Variants in IDUA observed in about 807,000 individuals in gnomAD.
The protein encoded by IDUA is iduronidase alpha-L-.
A neutral mutation model predicts 68.9 loss-of-function variants in IDUA; 65 were observed. The ratio of observed to expected loss-of-function variants is 0.94; its 90% CI spans 0.77 to 1.16. IDUA has a LOEUF of 1.16. Ranked by LOEUF, IDUA falls within the 50% of genes most tolerant of loss-of-function variation. The probability of loss-of-function intolerance (pLI) is 0.00; values close to 1 mark genes in which losing one functional copy is unlikely to be tolerated. For missense variants in IDUA, 1,046 were observed against 938.0 expected, an observed-to-expected ratio of 1.12 and a Z score of -1.50; for synonymous variants, 529 against 433.6, an observed-to-expected ratio of 1.22 and a Z score of -2.73.
At chr4:990,167 G>C (rs1160000258) in intron 2 of IDUA, 1 of 1,560,402 alleles carries the variant, frequency 6.4e-7, no homozygotes. Context: ...ACGTTGGCCT[G>C]CCCGGCGCCG....
intron 2 of IDUA, chr4:988,771 T>C: frequency 6.8e-7 from 1 of 1,463,680 alleles, no homozygotes; most frequent in Non-Finnish European, 9.0e-7. Flanking sequence ...CAGCAGTGGC[T>C]TGCAGACGTC....
Position 1,003,541 on chromosome 4 carries a change from TC to T in IDUA, c.1651-3del. On this transcript the variant is annotated splice_polypyrimidine_tract_variant and splice_region_variant and intron_variant, in intron 11 of 13. Transcript: ENST00000514224. ...CCCCGACGCCATCACAGCCCTTCCC[TC>T]CCCCAGGTCACGCGGCTCCGCGCCC... 1 of 1,610,438 alleles carries T rather than the reference TC, an allele frequency of 6.2e-7. No individual in the cohort carries two copies.
chr4:1,001,363 G>C, intron 4 of IDUA, 105 bp from the exon 5 acceptor site: 2 of 956,306 alleles, frequency 2.1e-6, no homozygotes, highest in Non-Finnish European at 3.4e-6. Flanking sequence ...TGGAGATGGG[G>C]TTCATCTTGA....
Position 1,001,667 on chromosome 4 carries a change from C to G in IDUA, c.590-12C>G. 6.2e-7 allele frequency: 1 copy of G among 1,602,836 alleles called. No individual in the cohort carries two copies. The highest frequency in any genetic ancestry group is 8.5e-7 in the Non-Finnish European group (1 of 1,178,748). On this transcript the variant is annotated splice_polypyrimidine_tract_variant and intron_variant, in intron 5 of 13. Transcript: ENST00000514224. ...CCAGGGCAGGTGTAGACGCAGTGCT[C>G]CCCCGGCCCAGGCTTCCTGAACTAC...
intron 2 of IDUA, among the ~76,000 whole-genome samples, chr4:997,815 T>C (rs1714832797): frequency 6.6e-6 from 1 of 152,166 alleles, no homozygotes; most frequent in Admixed American, 6.5e-5. Flanking sequence ...CGGGGATCCC[T>C]GTCCCGGGCT....
chr4:989,541 C>T (rs750337618), intron 2 of IDUA: 28 of 1,565,976 alleles, frequency 1.8e-5, no homozygotes, highest in Non-Finnish European at 2.2e-5. Flanking sequence ...CAGCCGGGCT[C>T]ATCCGCCACA....
In IDUA at chr4:1,001,683, C is replaced by T; in HGVS notation, c.594C>T (p.Phe198=). The change falls in exon 6 of 14, where the codon TTC becomes TTT. Residue 198 remains phenylalanine, a synonymous_variant. Coordinates refer to ENST00000514224, the MANE Select transcript of IDUA (RefSeq NM_000203.5). The part of the protein sequence containing the change: ...FDNVSMTMQG[F]LNYYDACSEG... ...CGCAGTGCTCCCCCGGCCCAGGCTT[C>T]CTGAACTACTACGATGCCTGCTCGG... 1.2e-6 allele frequency: 2 copies of T among 1,601,718 alleles called. No homozygotes were observed. Among genetic ancestry groups the T allele is most frequent in the Non-Finnish European group, 1.7e-6 (2 of 1,179,090 alleles).
chr4:999,529 A>G (rs1398125420), intron 2 of IDUA, among the ~76,000 whole-genome samples: 1 of 152,240 alleles, frequency 6.6e-6, no homozygotes, highest in African/African-American at 2.4e-5. Context: ...CTCGCTGACC[A>G]TCAGGCTCCT....
chr4:1,002,040 G>A lies in IDUA; in HGVS notation c.851G>A (p.Arg284Gln), dbSNP rs1209648267. ...EQEKVVAQQI[R>Q]QLFPKFADTP... ...GAGAAGGTCGTCGCGCAGCAGATCC[G>A]GCAGCTCTTCCCCAAGTTCGCGGAC... Residue 284 changes from arginine (R) to glutamine (Q), a missense_variant, in exon 7 of 14, where the codon CGG (arginine) becomes CAG (glutamine). By Grantham distance (43) the Arg-to-Gln change is conservative. Coordinates refer to ENST00000514224, the MANE Select transcript of IDUA (RefSeq NM_000203.5). 1.2e-5 allele frequency: 19 copies of A among 1,598,280 alleles called. No individual in the cohort carries two copies. Among genetic ancestry groups the A allele is most frequent in the South Asian group, 4.5e-5 (4 of 88,190 alleles).
rs1360845961 is a variant in IDUA, at chr4:1,001,897, C to A, written c.792+16C>A. ...CCACAGGAAGGTGCGCCCTGCCCCT[C>A]CGTCCGCCCCGGTGTTCTGCGCCCT... On this transcript the variant is annotated intron_variant, in intron 6 of 13. Transcript: ENST00000514224. 1.9e-6 allele frequency: 3 copies of A among 1,570,938 alleles called. No individual in the cohort carries two copies. Among genetic ancestry groups the A allele is most frequent in the Non-Finnish European group, 2.6e-6 (3 of 1,159,910 alleles).
intron 2 of IDUA, chr4:991,021 C>T: frequency 8.5e-7 from 1 of 1,182,070 alleles, no homozygotes; most frequent in Non-Finnish European, 1.2e-6. Context: ...TGGGCCAGCA[C>T]CTCCTCTGCC....
At chr4:991,621 C>CGCA in intron 2 of IDUA, 4 of 1,585,538 alleles carry the variant, frequency 2.5e-6, no homozygotes, top group Non-Finnish European at 3.4e-6. Flanking sequence ...CAGCATCTCA[C>CGCA]GCAGACCCCG....
chr4:993,047 G>A (rs578015958), intron 2 of IDUA: 6 of 135,108 alleles, frequency 4.4e-5, no homozygotes, highest in African/African-American at 1.6e-4. Flanking sequence ...GGCACAGAGC[G>A]GGGGTCCTGG....
chr4:1,001,454 A>G lies in IDUA; in HGVS notation c.494-14A>G. ...ATTCACCTGTGCTGGGGGGACAGCA[A>G]GGCTCCTCTGCAGGTAGGTACGGAC... is the stretch of plus-strand genomic sequence containing the variant. On this transcript the variant is annotated splice_polypyrimidine_tract_variant and intron_variant, in intron 4 of 13. Transcript: ENST00000514224. 1 of 1,610,870 alleles carries G rather than the reference A, an allele frequency of 6.2e-7. No homozygotes were observed. The highest frequency in any genetic ancestry group is 1.3e-5 in the African/African-American group (1 of 74,962).
At chr4:992,318 C>T (rs1009231131) in intron 2 of IDUA, 2 of 410,206 alleles carry the variant, frequency 4.9e-6, no homozygotes, top group African/African-American at 4.0e-5. Flanking sequence ...CCTGGAGACA[C>T]CTCCACCCAC....
intron 2 of IDUA, chr4:990,839 GTCCAGC>G: frequency 2.1e-6 from 1 of 468,368 alleles, no homozygotes; most frequent in Non-Finnish European, 3.8e-6. Context: ...CATGGCCTCA[GTCCAGC>G]ACCACTGAGC....
chr4:1,004,307 T>A lies in IDUA; in HGVS notation c.1876T>A (p.Trp626Arg), dbSNP rs1281475543. The A allele has an allele frequency of 6.2e-7, 1 of 1,611,256 alleles. No individual in the cohort carries two copies. Among genetic ancestry groups the A allele is most frequent in the Non-Finnish European group, 8.5e-7 (1 of 1,179,830 alleles). Residue 626 changes from tryptophan (W) to arginine (R), a missense_variant, in exon 14 of 14, where the codon TGG becomes AGG. Trp to Arg is a moderately radical substitution (Grantham distance 101, BLOSUM62 -3). Coordinates refer to ENST00000514224, the MANE Select transcript of IDUA (RefSeq NM_000203.5). This position sits in a 1 kb window ranked among gnomAD's most constrained non-coding sequence, Gnocchi z 5.0. ...CTACCGAGTTCGAGCCCTGGACTAC[T>A]GGGCCCGACCAGGCCCCTTCTCGGA... is the stretch of plus-strand genomic sequence containing the variant. Reference protein sequence around the residue: ...GSYRVRALDYWARPGPFSDPV... With the variant: ...GSYRVRALDYRARPGPFSDPV...
At position 991,538 on chromosome 4, in the gene IDUA, C is replaced by T. The variant is rs142573758; in HGVS notation, c.299+3589C>T. ...CGGTACTGACGCAGCCAGCGCGTGG[C>T]GGGGAGCAGGTCCTGCACCAGCGCC... On this transcript the variant is annotated intron_variant, in intron 2 of 13. Coordinates refer to ENST00000514224, the MANE Select transcript of IDUA (RefSeq NM_000203.5). 1,011 of 1,605,504 alleles carry T rather than the reference C, an allele frequency of 6.3e-4. No individual in the cohort carries two copies. The highest frequency in any genetic ancestry group is 1.0e-3 in the Admixed American group (60 of 59,704).
intron 12 of IDUA, 178 bp from the exon 13 acceptor site, chr4:1,003,834 A>T: frequency 1.3e-6 from 1 of 787,512 alleles, no homozygotes; most frequent in South Asian, 1.5e-5. Flanking sequence ...GGGACATGAG[A>T]TGGACATTCG....
Sources: gnomAD v4.1 joint callset for allele counts (sites outside exome capture counted in the v4.1 genomes callset) on GRCh38, gnomAD v4.1.1 for gene constraint, Gnocchi (gnomAD v3.1) non-coding constraint, MANE v1.5 for transcripts, NCBI Gene and HGNC (gene_info 2026-07-23, HGNC 2026-07-21) for gene names.